Variants in PRR12 observed in about 807,000 individuals in gnomAD.
PRR12 encodes proline rich 12.
A neutral mutation model predicts 138.0 loss-of-function variants in PRR12; 12 were observed. That is an observed-to-expected ratio of 0.09 (90% CI 0.06 to 0.14). The LOEUF (loss-of-function observed/expected upper bound fraction) is 0.14, where lower values mean the gene tolerates loss of function less well. PRR12 is among the 10% of genes least tolerant of loss of function. The pLI is 1.00. For missense variants in PRR12, 2,692 were observed against 2,861.3 expected (o/e 0.94, Z 1.35); for synonymous variants, 1,567 against 1,291.7 (o/e 1.21, Z -4.57).
chr19:49,612,470 G>A (rs991228729), intron 6 of PRR12, among the ~76,000 whole-genome samples: 1 of 152,060 alleles, frequency 6.6e-6, no homozygotes, highest in African/African-American at 2.4e-5. Flanking sequence ...ATGACTGGGT[G>A]TGGGGTGGGG....
At position 49,598,067 on chromosome 19, in the gene PRR12, G is replaced by A. The variant is rs2080787279; in HGVS notation, c.3678+54G>A. 5.1e-6 allele frequency: 6 copies of A among 1,179,650 alleles called. 1 individual carries two copies. The South Asian group carries it at 1.1e-4, about 21-fold the overall frequency. 73.1% of individuals were successfully genotyped at this position (1,179,650 alleles called of 1,614,324 possible). ...TAGGGGAGGAGGAGCTGTGTCCGAT[G>A]TTTGAGTCTTTTTTTTTTTTTTTTG... is the stretch of plus-strand genomic sequence containing the variant. On this transcript the variant is annotated intron_variant, in intron 4 of 13. Coordinates refer to ENST00000418929, the MANE Select transcript of PRR12 (RefSeq NM_020719.3).
intron 11 of PRR12, among the ~76,000 whole-genome samples, chr19:49,623,542 T>G (rs1201350440): frequency 3.3e-5 from 5 of 150,824 alleles, no homozygotes; most frequent in Non-Finnish European, 7.4e-5. Flanking sequence ...TGAGGCAGAA[T>G]AATGGTGTGA....
chr19:49,592,083 C>A (rs947429692), intron 1 of PRR12, among the ~76,000 whole-genome samples: 1 of 152,044 alleles, frequency 6.6e-6, no homozygotes, highest in East Asian at 1.9e-4. Context: ...CCCCTCCCCC[C>A]CGCGCCCCAG....
At chr19:49,607,787 A>C (rs2080846406) in intron 6 of PRR12, among the ~76,000 whole-genome samples, 1 of 151,946 alleles carries the variant, frequency 6.6e-6, no homozygotes, top group Non-Finnish European at 1.5e-5. Flanking sequence ...GGGAGGCTAA[A>C]GCAGGTGAGT....
intron 11 of PRR12, 109 bp from the exon 12 acceptor site, chr19:49,624,735 C>T (rs1568433480): frequency 2.0e-6 from 3 of 1,477,284 alleles, no homozygotes; most frequent in Non-Finnish European, 2.7e-6. Context: ...AGTTGTCTCT[C>T]CTGATCTGCA....
chr19:49,619,220 G>A (rs1400663719), intron 9 of PRR12, among the ~76,000 whole-genome samples: 2 of 138,782 alleles, frequency 1.4e-5, no homozygotes, highest in African/African-American at 2.8e-5. Context: ...GATGCCTCCT[G>A]TGAGTTTTTT....
chr19:49,613,554 T>C (rs2080877210), intron 6 of PRR12, among the ~76,000 whole-genome samples: 1 of 152,184 alleles, frequency 6.6e-6, no homozygotes, highest in Non-Finnish European at 1.5e-5. Flanking sequence ...TGGTGGTGGT[T>C]GGTGTTCAGG....
chr19:49,596,576 C>A lies in PRR12; in HGVS notation c.2241C>A (p.Val747=), dbSNP rs1286730924. The change falls in exon 4 of 14, where the codon GTC becomes GTA. Residue 747 remains valine, a synonymous_variant. Coordinates refer to ENST00000418929, the MANE Select transcript of PRR12 (RefSeq NM_020719.3). The surrounding 1 kb of genome is among the most constrained non-coding windows in gnomAD (Gnocchi z 5.6). ...CCGAGGGGCTGGCCACCTCTGTTGTCCACTACGGGGCAGGCGCCAAGGAGC... is the reference window on the plus strand; with the variant it reads ...CCGAGGGGCTGGCCACCTCTGTTGTACACTACGGGGCAGGCGCCAAGGAGC... ...ETPEGLATSV[V]HYGAGAKELG... 6.2e-7 allele frequency: 1 copy of A among 1,600,056 alleles called. No homozygotes were observed. Among genetic ancestry groups the A allele is most frequent in the Admixed American group, 1.7e-5 (1 of 58,146 alleles).
In PRR12 at chr19:49,621,549, G is replaced by A. The variant is rs2080923654; in HGVS notation, c.5648G>A (p.Arg1883Gln). The change falls in exon 11 of 14, where the codon CGG becomes CAG. Residue 1883 changes from arginine (R) to glutamine (Q), a missense_variant. Arg to Gln is a conservative substitution (Grantham distance 43). Coordinates refer to ENST00000418929, the MANE Select transcript of PRR12 (RefSeq NM_020719.3). ...THDELYLPPM[R>Q]KIDGLLNEHK... ...GACGAGCTGTACCTGCCCCCCATGCGGAAGATAGACGGCCTGCTGAATGAG... is the reference window on the plus strand; with the variant it reads ...GACGAGCTGTACCTGCCCCCCATGCAGAAGATAGACGGCCTGCTGAATGAG... 9 of 1,607,158 alleles carry A rather than the reference G, an allele frequency of 5.6e-6. No homozygotes were observed. The highest frequency in any genetic ancestry group is 7.6e-6 in the Non-Finnish European group (9 of 1,177,074).
Position 49,610,546 on chromosome 19 carries a change from A to ATTTTTTTT in PRR12, c.4774-3980_4774-3973dup, listed in dbSNP as rs922178889. Among the ~76,000 whole-genome samples the ATTTTTTTT allele has an allele frequency of 7.7e-4, 94 of 121,632 alleles. 9 individuals carry two copies. The highest frequency in any genetic ancestry group is 2.9e-3 in the African/African-American group (80 of 27,960). The allele number at this position is 121,632 out of a possible 152,430, so 79.8% of individuals were successfully genotyped here. A position where few individuals can be genotyped will look rare whatever the true frequency, so the allele number is the denominator to read the frequency against. ...CATGCCATGGTAAAACCCTGTTCCT[A>ATTTTTTTT]TTTTTTTTTTTTTTGAGATGGAGTC... On this transcript the variant is annotated intron_variant, in intron 6 of 13. Transcript: ENST00000418929.
At position 49,595,579 on chromosome 19, in the gene PRR12, C is replaced by A; in HGVS notation, c.1244C>A (p.Pro415His). The change falls in exon 4 of 14, where the codon CCC becomes CAC. Residue 415 changes from proline (P) to histidine (H), a missense_variant. Pro to His is a moderately conservative substitution (Grantham distance 77). Transcript: ENST00000418929. Reference protein sequence around the residue: ...RPPPPRSTATPKCQSLGGPAA... With the variant: ...RPPPPRSTATHKCQSLGGPAA... ...CCCCCACCCCGTTCGACCGCCACCC[C>A]CAAATGTCAGAGCCTGGGTGGGCCA... The A allele has an allele frequency of 1.2e-6, 2 of 1,604,200 alleles. No homozygotes were observed. The highest frequency in any genetic ancestry group is 1.7e-6 in the Non-Finnish European group (2 of 1,176,554).
In PRR12 at chr19:49,601,751, G is replaced by A. The variant is rs748282534; in HGVS notation, c.4606G>A (p.Glu1536Lys). ...PPEEPAAPSP[E>K]DPELPDTRPL... is the part of the protein sequence containing the mutation. ...TGAGGAGCCCGCCGCCCCGTCTCCC[G>A]AAGACCCCGAGCTGCCGGACACCCG... Residue 1536 changes from glutamate to lysine, a missense_variant, in exon 6 of 14, where the codon GAA becomes AAA. Physicochemically the swap from Glu to Lys is moderately conservative, Grantham distance 56 (BLOSUM62 1). This residue lies in a region of PRR12 where 231 missense variants were observed against 200.8 expected (regional missense o/e 1.15). Coordinates refer to ENST00000418929, the MANE Select transcript of PRR12 (RefSeq NM_020719.3). 8.9e-6 allele frequency: 14 copies of A among 1,570,586 alleles called. No individual in the cohort carries two copies. Among genetic ancestry groups the A allele is most frequent in the South Asian group, 4.6e-5 (4 of 86,214 alleles).
At chr19:49,598,240 G>A (rs1031293587) in intron 4 of PRR12, among the ~76,000 whole-genome samples, 1 of 151,770 alleles carries the variant, frequency 6.6e-6, no homozygotes, top group Admixed American at 6.6e-5. Flanking sequence ...CGCCCGGCTA[G>A]TTTTTTTGTA....
At position 49,596,893 on chromosome 19, in the gene PRR12, A is replaced by C. The variant is rs778737079; in HGVS notation, c.2558A>C (p.His853Pro). The stretch of plus-strand genomic sequence containing the variant: ...CCCATGCCCCTGCAGCTCGAGGCCC[A>C]CCTCCGCAGCCATGGCCTGGAGCCC... ...PPPMPLQLEA[H>P]LRSHGLEPAA... Residue 853 changes from histidine to proline, a missense_variant, in exon 4 of 14, where the codon CAC becomes CCC. By Grantham distance (77) the His-to-Pro change is moderately conservative. Around this residue, in one of 11 missense-constraint regions of PRR12, gnomAD observed 840 missense variants for 689.8 expected, o/e 1.22. Coordinates refer to ENST00000418929, the MANE Select transcript of PRR12 (RefSeq NM_020719.3). The surrounding 1 kb of genome is among the most constrained non-coding windows in gnomAD (Gnocchi z 5.6). 1 of 1,314,444 alleles carries C rather than the reference A, an allele frequency of 7.6e-7. No homozygotes were observed. Among genetic ancestry groups the C allele is most frequent in the Non-Finnish European group, 9.9e-7 (1 of 1,010,052 alleles). The allele number at this position is 1,314,444 out of a possible 1,614,324, so 81.4% of individuals were successfully genotyped here.
Position 49,594,549 on chromosome 19 carries a change from G to A in PRR12, c.295G>A (p.Gly99Ser). 1.2e-6 allele frequency: 2 copies of A among 1,612,964 alleles called. No homozygotes were observed. The highest frequency in any genetic ancestry group is 1.7e-6 in the Non-Finnish European group (2 of 1,179,458). Residue 99 changes from glycine to serine, a missense_variant, in exon 3 of 14, where the codon GGC becomes AGC. Around this residue, in one of 11 missense-constraint regions of PRR12, gnomAD observed 211 missense variants for 266.3 expected, o/e 0.79. Coordinates refer to ENST00000418929, the MANE Select transcript of PRR12 (RefSeq NM_020719.3). The surrounding 1 kb of genome is among the most constrained non-coding windows in gnomAD (Gnocchi z 5.6). ...CCTTATCTCGGCCCTGGAATCCCGG[G>A]GCCCCCAGCCTGGCCCCTCCGCCTC... ...MNLISALESR[G>S]PQPGPSASSL...
intron 11 of PRR12, among the ~76,000 whole-genome samples, chr19:49,621,994 CT>C (rs1178213400): frequency 6.6e-6 from 1 of 152,198 alleles, no homozygotes; most frequent in East Asian, 1.9e-4. Flanking sequence ...GTTAAGTCAT[CT>C]GTATGATTTC....
rs568149580 is a variant in PRR12 at position 49,597,016 on chromosome 19, C to T, written c.2681C>T (p.Pro894Leu). 6.4e-7 allele frequency: 1 copy of T among 1,557,372 alleles called. No homozygotes were observed. Among genetic ancestry groups the T allele is most frequent in the Non-Finnish European group, 8.7e-7 (1 of 1,153,070 alleles). The change falls in exon 4 of 14, where the codon CCT becomes CTT. Residue 894 changes from proline (P) to leucine (L), a missense_variant. Pro to Leu is a moderately conservative substitution (Grantham distance 98). Transcript: ENST00000418929. The surrounding 1 kb of genome is among the most constrained non-coding windows in gnomAD (Gnocchi z 6.3). ...LGALEPLPPAPGDTGVGPPNS... is the reference protein window; with the variant it reads ...LGALEPLPPALGDTGVGPPNS... ...GCTCTGGAGCCGCTGCCCCCGGCGC[C>T]TGGGGATACTGGCGTAGGCCCACCA...
At chr19:49,607,800 C>T (rs1032006868) in intron 6 of PRR12, among the ~76,000 whole-genome samples, 9 of 151,942 alleles carry the variant, frequency 5.9e-5, no homozygotes, top group Admixed American at 5.9e-4. Context: ...AGGTGAGTCA[C>T]CTGAGGTCCG....
In PRR12 at chr19:49,599,549, C is replaced by A; in HGVS notation, c.3956C>A (p.Ala1319Asp). 6.3e-7 allele frequency: 1 copy of A among 1,595,150 alleles called. No homozygotes were observed. Among genetic ancestry groups the A allele is most frequent in the Non-Finnish European group, 8.5e-7 (1 of 1,171,306 alleles). The change falls in exon 5 of 14, where the codon GCC becomes GAC. Residue 1319 changes from alanine (A) to aspartate (D), a missense_variant. Physicochemically the swap from Ala to Asp is moderately radical, Grantham distance 126. This residue lies in a region of PRR12 where 326 missense variants were observed against 344.2 expected (regional missense o/e 0.95). Coordinates refer to ENST00000418929, the MANE Select transcript of PRR12 (RefSeq NM_020719.3). The surrounding 1 kb of genome is among the most constrained non-coding windows in gnomAD (Gnocchi z 5.0). ...PPKSVPPSVP[A>D]RGLQPQPPAT... is the part of the protein sequence containing the mutation. Reference sequence around the variant, plus strand: ...AAGAGTGTGCCACCCTCTGTGCCAGCCCGAGGCCTGCAGCCCCAGCCCCCT... The same window carrying A: ...AAGAGTGTGCCACCCTCTGTGCCAGACCGAGGCCTGCAGCCCCAGCCCCCT...
Sources: allele counts gnomAD v4.1 joint callset (sites outside exome capture counted in the v4.1 genomes callset), GRCh38; gene constraint gnomAD v4.1.1; regional missense constraint gnomAD v4.1.1; non-coding constraint Gnocchi (gnomAD v3.1); transcripts MANE v1.5; gene names NCBI Gene and HGNC (gene_info 2026-07-23, HGNC 2026-07-21).